The following HHAT variants were observed in gnomAD, a reference collection of about 807,000 sequenced individuals.
HHAT encodes the protein protein-cysteine N-palmitoyltransferase HHAT.
Under a neutral mutation model 70.8 loss-of-function variants are expected in HHAT, and 47 were observed. The observed-to-expected ratio is 0.66, with a 90% CI of 0.53 to 0.85. The LOEUF is 0.85. Among genes scored for constraint, HHAT ranks in the 40% least tolerant of loss-of-function variants. The pLI, the probability that HHAT is intolerant of heterozygous loss-of-function variation, is 0.00. For missense variants in HHAT, 609 were observed against 604.8 expected, an observed-to-expected ratio of 1.01 and a Z score of -0.07; for synonymous variants, 228 against 247.6, an observed-to-expected ratio of 0.92 and a Z score of 0.74.
chr1:210,358,094 A>G (rs1883655), intron 2 of HHAT, among the ~76,000 whole-genome samples: 121,087 of 152,150 alleles, frequency 0.8, 49,027 homozygotes, highest in African/African-American at 0.95. Context: ...TAGGCTAGAG[A>G]GCATTTGTGG....
chr1:210,397,860 A>G (rs1034104905), intron 4 of HHAT, among the ~76,000 whole-genome samples: 1 of 152,154 alleles, frequency 6.6e-6, no homozygotes, highest in African/African-American at 2.4e-5. Flanking sequence ...AGATCTAGGT[A>G]TGTGCATGGG....
chr1:210,431,624 G>C (rs144328574), intron 7 of HHAT, among the ~76,000 whole-genome samples: 67 of 151,980 alleles, frequency 4.4e-4, no homozygotes, highest in Non-Finnish European at 7.6e-4. Context: ...ATCTCCAGCA[G>C]CTTCCCCCTT....
intron 1 of HHAT, among the ~76,000 whole-genome samples, chr1:210,335,082 A>G (rs765375012): frequency 3.3e-5 from 5 of 152,164 alleles, no homozygotes; most frequent in Non-Finnish European, 5.9e-5. Flanking sequence ...AAAAATTGAT[A>G]AGGATATTAC....
At chr1:210,498,198 T>C (rs1431720719) in intron 8 of HHAT, among the ~76,000 whole-genome samples, 1 of 152,198 alleles carries the variant, frequency 6.6e-6, no homozygotes, top group East Asian at 1.9e-4. Flanking sequence ...TTCTCTTGCA[T>C]GGATTTATGT....
At chr1:210,646,396 G>T (rs1674077732) in intron 11 of HHAT, among the ~76,000 whole-genome samples, 1 of 152,206 alleles carries the variant, frequency 6.6e-6, no homozygotes, top group Non-Finnish European at 1.5e-5. Context: ...CCAAAGGAAT[G>T]AATGAATGTT....
intron 10 of HHAT, among the ~76,000 whole-genome samples, chr1:210,607,535 C>G (rs1057443751): frequency 3.3e-5 from 5 of 152,294 alleles, no homozygotes; most frequent in African/African-American, 1.2e-4. Context: ...CTGTCACATC[C>G]TAGGCTTATT....
At chr1:210,620,420 C>G (rs1240109303) in intron 10 of HHAT, among the ~76,000 whole-genome samples, 1 of 152,140 alleles carries the variant, frequency 6.6e-6, no homozygotes, top group East Asian at 1.9e-4. Flanking sequence ...GACTCCTGTC[C>G]CCTTTGCTGT....
At chr1:210,334,812 A>T (rs1423870802) in intron 1 of HHAT, among the ~76,000 whole-genome samples, 1 of 152,090 alleles carries the variant, frequency 6.6e-6, no homozygotes, top group East Asian at 1.9e-4. Context: ...GATGTTATGA[A>T]CGATTTCATG....
intron 8 of HHAT, among the ~76,000 whole-genome samples, chr1:210,510,506 T>C (rs2094935582): frequency 6.6e-6 from 1 of 152,152 alleles, no homozygotes; most frequent in Non-Finnish European, 1.5e-5. Flanking sequence ...TGGGCTTCCC[T>C]GGAGCAGGGC....
intron 3 of HHAT, among the ~76,000 whole-genome samples, chr1:210,381,435 C>T (rs2090627458): frequency 6.6e-6 from 1 of 152,086 alleles, no homozygotes; most frequent in South Asian, 2.1e-4. Flanking sequence ...TATGCGCCAG[C>T]ACTCCCAGCT....
At chr1:210,384,675 C>A (rs1194747128) in intron 3 of HHAT, among the ~76,000 whole-genome samples, 1 of 152,130 alleles carries the variant, frequency 6.6e-6, no homozygotes, top group African/African-American at 2.4e-5. Context: ...TTATATCTGA[C>A]CCCCTTAGAG....
chr1:210,426,814 C>G (rs11119492), intron 7 of HHAT, among the ~76,000 whole-genome samples: 1 of 151,822 alleles, frequency 6.6e-6, no homozygotes, highest in Non-Finnish European at 1.5e-5. Flanking sequence ...TTTGTTGTGT[C>G]TCTGCCAGGT....
At chr1:210,423,931 G>T (rs975730519) in intron 7 of HHAT, among the ~76,000 whole-genome samples, 2 of 152,018 alleles carry the variant, frequency 1.3e-5, no homozygotes, top group African/African-American at 2.4e-5. Context: ...ATGCTGTTTT[G>T]GTTACTACAG....
intron 2 of HHAT, among the ~76,000 whole-genome samples, chr1:210,361,682 C>CTT (rs1296215793): frequency 1.3e-5 from 2 of 152,002 alleles, no homozygotes; most frequent in Non-Finnish European, 2.9e-5. Context: ...GGTTTTTATA[C>CTT]TTTTGTTGAT....
intron 11 of HHAT, among the ~76,000 whole-genome samples, chr1:210,624,812 C>T (rs1306063273): frequency 6.6e-6 from 1 of 152,218 alleles, no homozygotes; most frequent in Non-Finnish European, 1.5e-5. Context: ...CAACTTGCTA[C>T]ATCTTAAAAG....
intron 11 of HHAT, among the ~76,000 whole-genome samples, chr1:210,670,702 T>A (rs762408663): frequency 9.2e-5 from 14 of 152,166 alleles, no homozygotes; most frequent in Non-Finnish European, 1.6e-4. Context: ...ACGTCTACTG[T>A]CTGTAGGAAG....
At chr1:210,480,773 A>C (rs1189267438) in intron 8 of HHAT, among the ~76,000 whole-genome samples, 6 of 152,128 alleles carry the variant, frequency 3.9e-5, no homozygotes, top group African/African-American at 1.4e-4. Context: ...CCTCTCCCTG[A>C]TAGCTCCCCT....
intron 10 of HHAT, among the ~76,000 whole-genome samples, chr1:210,621,530 A>T (rs12753963): frequency 0.23 from 35,338 of 152,166 alleles, 4,526 homozygotes; most frequent in East Asian, 0.39. Context: ...TAGTTGAGTC[A>T]GTAATACCCA....
chr1:210,374,115 A>G (rs1245990183), intron 3 of HHAT: 2 of 146,670 alleles, frequency 1.4e-5, no homozygotes, highest in Non-Finnish European at 3.1e-5. Flanking sequence ...GTTGCACCAT[A>G]ATGTTTTCCT....
Sources: allele counts gnomAD v4.1 joint callset (sites outside exome capture counted in the v4.1 genomes callset), GRCh38; gene constraint gnomAD v4.1.1; transcripts MANE v1.5; gene names NCBI Gene and HGNC (gene_info 2026-07-23, HGNC 2026-07-21).